Variants in DTD1 observed in about 807,000 individuals in gnomAD.
DTD1 encodes D-aminoacyl-tRNA deacylase 1, also known as D-tyrosyl-tRNA deacylase 1 homolog.
A neutral mutation model predicts 25.6 loss-of-function variants in DTD1; 13 were observed. The observed-to-expected ratio is 0.51, with a 90% confidence interval of 0.33 to 0.81. DTD1 has a LOEUF of 0.81. Ranked by LOEUF, DTD1 falls within the 30% of genes least tolerant of loss-of-function variation. The pLI is 0.02. For missense variants in DTD1, 193 were observed against 266.4 expected (o/e 0.72, Z 1.92); for synonymous variants, 110 against 103.6 (o/e 1.06, Z -0.37).
At chr20:18,634,241 T>C (rs1458325522) in intron 4 of DTD1, among the ~76,000 whole-genome samples, 2 of 152,230 alleles carry the variant, frequency 1.3e-5, no homozygotes, top group East Asian at 3.8e-4. Context: ...TAATCTTAAG[T>C]GCTCTTTCTC....
intron 4 of DTD1, among the ~76,000 whole-genome samples, chr20:18,722,254 G>A (rs1600390801): frequency 6.6e-6 from 1 of 152,244 alleles, no homozygotes; most frequent in African/African-American, 2.4e-5. Context: ...TGGGGTTCCT[G>A]GGAGTTGGGC....
chr20:18,745,262 G>A (rs1884785), intron 5 of DTD1, among the ~76,000 whole-genome samples: 89,201 of 152,058 alleles, frequency 0.59, 26,667 homozygotes, highest in Non-Finnish European at 0.63. Flanking sequence ...ACTGTAGCAC[G>A]GAGTCCACCT....
At chr20:18,708,286 TATATATATATA>T (rs2061141227) in intron 4 of DTD1, among the ~76,000 whole-genome samples, 6 of 21,124 alleles carry the variant, frequency 2.8e-4, no homozygotes, top group African/African-American at 8.5e-4. Context: ...TAATATATAT[TATATATATATA>T]ATATATATAT....
intron 4 of DTD1, among the ~76,000 whole-genome samples, chr20:18,703,571 T>C (rs905054197): frequency 6.6e-6 from 1 of 152,148 alleles, no homozygotes; most frequent in East Asian, 1.9e-4. Flanking sequence ...GTATTTTCCA[T>C]TCTTTTTCCA....
chr20:18,658,603 T>G (rs548783992), intron 4 of DTD1, among the ~76,000 whole-genome samples: 89 of 152,382 alleles, frequency 5.8e-4, no homozygotes, highest in Non-Finnish European at 1.0e-3. Flanking sequence ...TGTCTGTTAA[T>G]GGTTTGTCAT....
At chr20:18,701,211 G>A (rs990934891) in intron 4 of DTD1, among the ~76,000 whole-genome samples, 34 of 152,240 alleles carry the variant, frequency 2.2e-4, no homozygotes, top group African/African-American at 7.9e-4. Context: ...CTGTGGGTGG[G>A]CACTCTGGGC....
chr20:18,714,902 C>T (rs2061174252), intron 4 of DTD1, among the ~76,000 whole-genome samples: 1 of 152,194 alleles, frequency 6.6e-6, no homozygotes, highest in African/African-American at 2.4e-5. Context: ...CAGCCAAACG[C>T]CTGTGTTTGG....
chr20:18,756,226 T>A (rs1296406780), intron 5 of DTD1, among the ~76,000 whole-genome samples: 1 of 152,248 alleles, frequency 6.6e-6, no homozygotes, highest in Non-Finnish European at 1.5e-5. Context: ...AGGTTGCCTG[T>A]TCACTCTGAT....
chr20:18,642,155 T>G (rs1412227042), intron 4 of DTD1, among the ~76,000 whole-genome samples: 3 of 152,196 alleles, frequency 2.0e-5, no homozygotes, highest in African/African-American at 7.2e-5. Flanking sequence ...CTTCTCACCC[T>G]TGAATTCATT....
At chr20:18,684,474 A>T (rs1600366590) in intron 4 of DTD1, among the ~76,000 whole-genome samples, 3 of 152,040 alleles carry the variant, frequency 2.0e-5, no homozygotes, top group Admixed American at 6.5e-5. Flanking sequence ...TTTAGAAGAG[A>T]TGGGGTTTCA....
At chr20:18,607,408 G>T (rs1319523583) in intron 3 of DTD1, among the ~76,000 whole-genome samples, 2 of 152,088 alleles carry the variant, frequency 1.3e-5, no homozygotes, top group Non-Finnish European at 2.9e-5. Context: ...TGATCTACAT[G>T]TCTAGGCCCC....
intron 3 of DTD1, among the ~76,000 whole-genome samples, chr20:18,623,020 A>G (rs2060741994): frequency 7.0e-6 from 1 of 142,970 alleles, no homozygotes; most frequent in Admixed American, 7.5e-5. Context: ...GCTCATTGCG[A>G]CCTCCGCCTC....
intron 4 of DTD1, among the ~76,000 whole-genome samples, chr20:18,637,956 A>G (rs886422832): frequency 2.0e-5 from 3 of 152,094 alleles, no homozygotes; most frequent in African/African-American, 7.2e-5. Context: ...CCATCTTTTA[A>G]GGTTCATTTC....
chr20:18,720,547 C>T lies in DTD1; in HGVS notation c.478-23553C>T, dbSNP rs538818446. ...TATCAGCAGATTCTTATTTCTACTC[C>T]CAACAGGTAACTTTAAAAGTTTTTT... On this transcript the variant is annotated intron_variant, in intron 4 of 5. Transcript: ENST00000377452. Among the ~76,000 whole-genome samples the T allele has an allele frequency of 5.3e-5, 8 of 152,238 alleles. No individual in the cohort carries two copies. In the East Asian group the frequency reaches 1.4e-3, roughly 26 times the overall value.
At chr20:18,671,043 A>G (rs1024627185) in intron 4 of DTD1, among the ~76,000 whole-genome samples, 4 of 152,182 alleles carry the variant, frequency 2.6e-5, no homozygotes, top group African/African-American at 9.7e-5. Context: ...ATCCTCAGTC[A>G]GTGCTCTTCC....
chr20:18,691,719 T>C (rs2122437415), intron 4 of DTD1, among the ~76,000 whole-genome samples: 1 of 152,254 alleles, frequency 6.6e-6, no homozygotes, highest in Admixed American at 6.5e-5. Context: ...CATCACACAA[T>C]ATACCCAGGT....
At chr20:18,711,421 A>G (rs2061158122) in intron 4 of DTD1, among the ~76,000 whole-genome samples, 1 of 152,062 alleles carries the variant, frequency 6.6e-6, no homozygotes, top group African/African-American at 2.4e-5. Context: ...AGGTGGTCAG[A>G]TGGAGCTCCC....
At chr20:18,722,664 A>G (rs112809137) in intron 4 of DTD1, among the ~76,000 whole-genome samples, 2 of 152,188 alleles carry the variant, frequency 1.3e-5, no homozygotes, top group Non-Finnish European at 1.5e-5. Flanking sequence ...GTGCTTGTTC[A>G]TCATGGGCAC....
chr20:18,692,140 G>C (rs1249976975), intron 4 of DTD1: 1 of 152,154 alleles, frequency 6.6e-6, no homozygotes, highest in Non-Finnish European at 1.5e-5. Flanking sequence ...ACCCCAAACT[G>C]TGTTCTCCTC....
Sources: allele counts gnomAD v4.1 joint callset (sites outside exome capture counted in the v4.1 genomes callset), GRCh38; gene constraint gnomAD v4.1.1; transcripts MANE v1.5; gene names NCBI Gene and HGNC (gene_info 2026-07-23, HGNC 2026-07-21).